CAMK1D: variants seen among roughly 807,000 people sequenced by gnomAD.
The protein encoded by CAMK1D is calcium/calmodulin dependent protein kinase ID.
A neutral mutation model predicts 47.7 loss-of-function variants in CAMK1D; 9 were observed. The ratio of observed to expected loss-of-function variants is 0.19; its 90% CI spans 0.11 to 0.33. CAMK1D has a LOEUF of 0.33. Ranked by LOEUF, CAMK1D falls within the 10% of genes least tolerant of loss-of-function variation. CAMK1D has a pLI of 1.00. For synonymous variants in CAMK1D, 184 were observed against 184.9 expected, an observed-to-expected ratio of 0.99 and a Z score of 0.04; for missense variants, 291 against 488.7, an observed-to-expected ratio of 0.60 and a Z score of 3.81.
At chr10:12,803,632 G>A in intron 6 of CAMK1D, among the ~76,000 whole-genome samples, 1 of 152,108 alleles carries the variant, frequency 6.6e-6, no homozygotes, top group Non-Finnish European at 1.5e-5. Context: ...TCCAGCCTGG[G>A]TAACAGAGGG....
intron 1 of CAMK1D, among the ~76,000 whole-genome samples, chr10:12,525,280 G>T (rs937572509): frequency 3.3e-5 from 5 of 152,116 alleles, no homozygotes; most frequent in Non-Finnish European, 5.9e-5. Flanking sequence ...CGCCATACAT[G>T]GGAAGTTTTC....
chr10:12,466,596 T>C (rs909854327), intron 1 of CAMK1D, among the ~76,000 whole-genome samples: 1 of 151,296 alleles, frequency 6.6e-6, no homozygotes, highest in Admixed American at 6.6e-5. Flanking sequence ...GAATTTCTTT[T>C]TTTTTTTTTT....
chr10:12,718,957 G>C (rs898505333), intron 3 of CAMK1D, among the ~76,000 whole-genome samples: 40 of 152,138 alleles, frequency 2.6e-4, no homozygotes, highest in African/African-American at 9.4e-4. Flanking sequence ...AGCCTTGCCT[G>C]CTTCTTTTGC....
chr10:12,730,551 C>T (rs1834841673), intron 3 of CAMK1D, among the ~76,000 whole-genome samples: 1 of 152,088 alleles, frequency 6.6e-6, no homozygotes, highest in African/African-American at 2.4e-5. Flanking sequence ...AACCTTCATC[C>T]ACGAGCCAGG....
At chr10:12,788,438 A>T (rs185266968) in intron 5 of CAMK1D, among the ~76,000 whole-genome samples, 48 of 152,310 alleles carry the variant, frequency 3.2e-4, no homozygotes, top group African/African-American at 1.1e-3. Context: ...TCTGGAACCT[A>T]GCGCCTCCAC....
At chr10:12,677,169 C>T (rs45622740) in intron 3 of CAMK1D, among the ~76,000 whole-genome samples, 9,254 of 152,176 alleles carry the variant, frequency 0.061, 297 homozygotes, top group African/African-American at 0.08. Context: ...TGGGGGTCAC[C>T]GCTGTTAGCT....
chr10:12,739,442 ATT>A (rs1186963710), intron 3 of CAMK1D, among the ~76,000 whole-genome samples: 3,356 of 127,656 alleles, frequency 0.026, 89 homozygotes, highest in African/African-American at 0.082. Flanking sequence ...CACCCGGCTA[ATT>A]TTTTTTTTTT....
At chr10:12,378,029 C>T (rs1838232263) in intron 1 of CAMK1D, among the ~76,000 whole-genome samples, 1 of 152,210 alleles carries the variant, frequency 6.6e-6, no homozygotes, top group African/African-American at 2.4e-5. Context: ...GAAAGCACCC[C>T]AGGCATGCGG....
At chr10:12,589,916 G>C (rs560860095) in intron 2 of CAMK1D, among the ~76,000 whole-genome samples, 1 of 152,148 alleles carries the variant, frequency 6.6e-6, no homozygotes, top group Non-Finnish European at 1.5e-5. Context: ...CTTTGCAGTA[G>C]AGACCTGCTA....
chr10:12,478,912 C>A (rs1212209223), intron 1 of CAMK1D, among the ~76,000 whole-genome samples: 2 of 152,254 alleles, frequency 1.3e-5, no homozygotes, highest in African/African-American at 4.8e-5. Flanking sequence ...GCCACAGCGT[C>A]CTGAGCGCCT....
At chr10:12,824,052 TGA>T (rs1181785837) in intron 8 of CAMK1D, among the ~76,000 whole-genome samples, 2 of 151,524 alleles carry the variant, frequency 1.3e-5, no homozygotes, top group Non-Finnish European at 2.9e-5. Context: ...GGAACAAGTG[TGA>T]GACCTTGGAG....
intron 1 of CAMK1D, among the ~76,000 whole-genome samples, chr10:12,365,563 C>G (rs779234953): frequency 6.6e-6 from 1 of 152,100 alleles, no homozygotes; most frequent in Non-Finnish European, 1.5e-5. Context: ...CTCAGCCTCC[C>G]GAGTAGCTGG....
chr10:12,563,686 A>AGAGAGAGAGAGG (rs1564414443), intron 2 of CAMK1D, among the ~76,000 whole-genome samples: 1 of 144,804 alleles, frequency 6.9e-6, no homozygotes, highest in Non-Finnish European at 1.5e-5. Flanking sequence ...AGAGAGAGAG[A>AGAGAGAGAGAGG]GAGAGAGAGA....
intron 5 of CAMK1D, among the ~76,000 whole-genome samples, chr10:12,784,198 ATTTTTT>A (rs71386119): frequency 7.4e-6 from 1 of 136,028 alleles, no homozygotes; most frequent in African/African-American, 2.8e-5. Context: ...GAGAAAAGGT[ATTTTTT>A]TTTTTTTTTT....
At chr10:12,501,303 C>T (rs1564375562) in intron 1 of CAMK1D, among the ~76,000 whole-genome samples, 1 of 152,202 alleles carries the variant, frequency 6.6e-6, no homozygotes, top group Non-Finnish European at 1.5e-5. Flanking sequence ...GCACTGTGCA[C>T]TGGCTGAAAC....
At chr10:12,588,785 T>TAC (rs1477978383) in intron 2 of CAMK1D, among the ~76,000 whole-genome samples, 2 of 149,964 alleles carry the variant, frequency 1.3e-5, no homozygotes, top group Admixed American at 6.6e-5. Flanking sequence ...TATGTATATA[T>TAC]ATATACACAC....
chr10:12,356,199 C>A (rs770105358), intron 1 of CAMK1D, among the ~76,000 whole-genome samples: 37 of 151,910 alleles, frequency 2.4e-4, no homozygotes, highest in African/African-American at 8.9e-4. Context: ...GCGTGAGCCA[C>A]CTCACCTGGC....
At chr10:12,359,893 C>T (rs577402515) in intron 1 of CAMK1D, among the ~76,000 whole-genome samples, 1 of 152,014 alleles carries the variant, frequency 6.6e-6, no homozygotes, top group East Asian at 1.9e-4. Flanking sequence ...TTTAAAATAC[C>T]CTTTTGGGGG....
At chr10:12,383,235 A>G (rs948260586) in intron 1 of CAMK1D, among the ~76,000 whole-genome samples, 6 of 152,202 alleles carry the variant, frequency 3.9e-5, no homozygotes, top group African/African-American at 7.2e-5. Flanking sequence ...TTATAGATTT[A>G]AATAAAATTA....
Sources: gnomAD v4.1 joint callset for allele counts (sites outside exome capture counted in the v4.1 genomes callset) on GRCh38, gnomAD v4.1.1 for gene constraint, MANE v1.5 for transcripts, NCBI Gene and HGNC (gene_info 2026-07-23, HGNC 2026-07-21) for gene names.